Variants in TIMMDC1 observed in about 807,000 individuals in gnomAD.
TIMMDC1 encodes the protein complex I assembly factor TIMMDC1, mitochondrial.
A neutral mutation model predicts 32.6 loss-of-function variants in TIMMDC1; 25 were observed. That is an observed-to-expected ratio of 0.77 (90% CI 0.56 to 1.07). The LOEUF (loss-of-function observed/expected upper bound fraction) is 1.07, where lower values mean the gene tolerates loss of function less well. Ranked by LOEUF, TIMMDC1 falls within the 50% of genes least tolerant of loss-of-function variation. The probability of loss-of-function intolerance (pLI) is 0.00; values close to 1 mark genes in which losing one functional copy is unlikely to be tolerated. For missense variants in TIMMDC1, 329 were observed against 349.2 expected, an observed-to-expected ratio of 0.94 and a Z score of 0.46; for synonymous variants, 130 against 127.6, an observed-to-expected ratio of 1.02 and a Z score of -0.13.
chr3:119,521,835 G>A (rs2082028806), intron 6 of TIMMDC1, among the ~76,000 whole-genome samples: 1 of 152,142 alleles, frequency 6.6e-6, no homozygotes, highest in Non-Finnish European at 1.5e-5. Flanking sequence ...ATGAAATGTG[G>A]TTTGGGGACA....
chr3:119,507,731 T>C (rs1417374483), intron 4 of TIMMDC1, among the ~76,000 whole-genome samples: 2 of 152,192 alleles, frequency 1.3e-5, no homozygotes, highest in African/African-American at 4.8e-5. Flanking sequence ...TTTTTCTTGA[T>C]AGCTGGACAT....
At chr3:119,501,008 T>C (rs2081870756) in intron 2 of TIMMDC1, 148 bp downstream of exon 2, 1 of 737,264 alleles carries the variant, frequency 1.4e-6, no homozygotes, top group Admixed American at 3.3e-5. Context: ...ACAGTGGAAG[T>C]ACTAATGTTA....
chr3:119,512,031 A>G (rs2081956063), intron 4 of TIMMDC1, among the ~76,000 whole-genome samples: 1 of 152,224 alleles, frequency 6.6e-6, no homozygotes, highest in South Asian at 2.1e-4. Context: ...TGGCCCAGAA[A>G]TTTCATTTCT....
chr3:119,509,017 C>A (rs892084569), intron 4 of TIMMDC1, among the ~76,000 whole-genome samples: 5 of 152,044 alleles, frequency 3.3e-5, no homozygotes, highest in African/African-American at 1.2e-4. Flanking sequence ...ACCAGCCTGG[C>A]CAACATGGTG....
intron 4 of TIMMDC1, among the ~76,000 whole-genome samples, chr3:119,504,300 G>T (rs551740985): frequency 6.6e-6 from 1 of 152,328 alleles, no homozygotes; most frequent in Non-Finnish European, 1.5e-5. Context: ...GGAACAATGG[G>T]ATCTCATATG....
In TIMMDC1 at chr3:119,503,791, G is replaced by A. The variant is rs145659738; in HGVS notation, c.450-163G>A. On this transcript the variant is annotated intron_variant, in intron 3 of 6. Coordinates refer to ENST00000494664, the MANE Select transcript of TIMMDC1 (RefSeq NM_016589.4). The stretch of plus-strand genomic sequence containing the variant: ...TGTGTAAAAGACTGGTGTAGTTATG[G>A]TTTTACAACCATGTCTGGAACACAT... Among the ~76,000 whole-genome samples the A allele has an allele frequency of 4.2e-4, 64 of 151,510 alleles. No homozygotes were observed. In the East Asian group the frequency reaches 0.011, roughly 25 times the overall value.
At position 119,498,932 on chromosome 3, in the gene TIMMDC1, A is replaced by C; in HGVS notation, c.194+5A>C. The C allele has an allele frequency of 6.2e-7, 1 of 1,613,814 alleles. No individual in the cohort carries two copies. The highest frequency in any genetic ancestry group is 8.5e-7 in the Non-Finnish European group (1 of 1,179,832). On this transcript the variant is annotated splice_donor_5th_base_variant and intron_variant, in intron 1 of 6. Transcript: ENST00000494664. ...CCGGGAGCTGTTTGGCAAAGAGTAAAAGTGCCTAGGGTGTGAAGTGGGGTA... is the reference window on the plus strand; with the variant it reads ...CCGGGAGCTGTTTGGCAAAGAGTAACAGTGCCTAGGGTGTGAAGTGGGGTA...
intron 4 of TIMMDC1, among the ~76,000 whole-genome samples, chr3:119,507,832 A>G (rs1431295984): frequency 6.6e-6 from 1 of 152,202 alleles, no homozygotes; most frequent in Admixed American, 6.5e-5. Flanking sequence ...TTGCAGTCCT[A>G]TGATTAGGTT....
At chr3:119,510,350 C>G (rs2081945224) in intron 4 of TIMMDC1, among the ~76,000 whole-genome samples, 1 of 152,014 alleles carries the variant, frequency 6.6e-6, no homozygotes, top group Admixed American at 6.6e-5. Context: ...AATGGGGAAA[C>G]AGTTGATAGT....
rs1313549644 is a variant in TIMMDC1, at chr3:119,523,940, CACTTT to C, written c.*189_*193del. ...ACTAAGAATGGGGCTGTTGTACTCTCACTTTACTTATCCTTAAATTTAAATACATA... is the reference window on the plus strand; with the variant it reads ...ACTAAGAATGGGGCTGTTGTACTCTCACTTATCCTTAAATTTAAATACATA... On this transcript the variant is annotated 3_prime_UTR_variant, in exon 7 of 7. Coordinates refer to ENST00000494664, the MANE Select transcript of TIMMDC1 (RefSeq NM_016589.4). 2 of 471,776 alleles carry C rather than the reference CACTTT, an allele frequency of 4.2e-6. No homozygotes were observed. The highest frequency in any genetic ancestry group is 7.3e-6 in the Non-Finnish European group (2 of 272,442). The allele number at this position is 471,776 out of a possible 1,614,324, so 29.2% of individuals were successfully genotyped here. A position where few individuals can be genotyped will look rare whatever the true frequency, so the allele number is the denominator to read the frequency against.
Position 119,498,941 on chromosome 3 carries a change from G to A in TIMMDC1, c.194+14G>A. On this transcript the variant is annotated intron_variant, in intron 1 of 6. Transcript: ENST00000494664. Reference sequence around the variant, plus strand: ...GTTTGGCAAAGAGTAAAAGTGCCTAGGGTGTGAAGTGGGGTAGGGGGCCGC... The same window carrying A: ...GTTTGGCAAAGAGTAAAAGTGCCTAAGGTGTGAAGTGGGGTAGGGGGCCGC... 5 of 1,613,440 alleles carry A rather than the reference G, an allele frequency of 3.1e-6. No homozygotes were observed. The highest frequency in any genetic ancestry group is 4.2e-6 in the Non-Finnish European group (5 of 1,179,480).
intron 6 of TIMMDC1, 136 bp downstream of exon 6, chr3:119,517,451 C>A: frequency 1.7e-6 from 1 of 593,040 alleles, no homozygotes; most frequent in Non-Finnish European, 3.1e-6. Flanking sequence ...TCCTTCAACT[C>A]ATACTGTACA....
At chr3:119,514,792 A>G (rs1380549609) in intron 5 of TIMMDC1, among the ~76,000 whole-genome samples, 2 of 152,204 alleles carry the variant, frequency 1.3e-5, no homozygotes, top group Non-Finnish European at 2.9e-5. Flanking sequence ...TTCCCTGCTC[A>G]AGATTTTACA....
chr3:119,498,754 A>G lies in TIMMDC1; in HGVS notation c.21A>G (p.Ala7=). ...AGGCCATGGAGGTGCCGCCACCGGC[A>G]CCGCGGAGCTTTCTCTGTAGAGCAT... MEVPPP[A]PRSFLCRALC... The change falls in exon 1 of 7, where the codon GCA becomes GCG. Residue 7 remains alanine, a synonymous_variant. Transcript: ENST00000494664. 2 of 1,614,150 alleles carry G rather than the reference A, an allele frequency of 1.2e-6. No homozygotes were observed. The highest frequency in any genetic ancestry group is 1.7e-6 in the Non-Finnish European group (2 of 1,179,986).
At chr3:119,511,510 G>A (rs1265113703) in intron 4 of TIMMDC1, among the ~76,000 whole-genome samples, 1 of 151,714 alleles carries the variant, frequency 6.6e-6, no homozygotes, top group Non-Finnish European at 1.5e-5. Flanking sequence ...AAAAATTTGT[G>A]CGTAAGTAAA....
chr3:119,517,256 T>A lies in TIMMDC1; in HGVS notation c.648T>A (p.Thr216=), dbSNP rs754536579. ...CATTTCAGAAGTACTCTGGTGAGACTGTTCAGGAAAGAAAACAGAAGGATC... is the reference window on the plus strand; with the variant it reads ...CATTTCAGAAGTACTCTGGTGAGACAGTTCAGGAAAGAAAACAGAAGGATC... ...LMAFQKYSGE[T]VQERKQKDRK... The change falls in exon 6 of 7, where the codon ACT becomes ACA. Residue 216 remains threonine, a synonymous_variant. Coordinates refer to ENST00000494664, the MANE Select transcript of TIMMDC1 (RefSeq NM_016589.4). 6.2e-7 allele frequency: 1 copy of A among 1,613,910 alleles called. No homozygotes were observed. Among genetic ancestry groups the A allele is most frequent in the South Asian group, 1.1e-5 (1 of 91,084 alleles).
At position 119,515,823 on chromosome 3, in the gene TIMMDC1, G is replaced by C. The variant is rs555359226; in HGVS notation, c.597-1382G>C. Among the ~76,000 whole-genome samples the C allele has an allele frequency of 2.3e-3, 345 of 152,330 alleles. 2 individuals are homozygous for C. Among genetic ancestry groups the C allele is most frequent in the South Asian group, 7.2e-3 (35 of 4,828 alleles). On this transcript the variant is annotated intron_variant, in intron 5 of 6. Transcript: ENST00000494664. ...TACTAGAAAGGTGGTTGTAAATGTT[G>C]ATAAGCTAGTTCTGTCAGTTCTTCT... is the stretch of plus-strand genomic sequence containing the variant.
chr3:119,506,991 G>C (rs2081922978), intron 4 of TIMMDC1, among the ~76,000 whole-genome samples: 1 of 152,084 alleles, frequency 6.6e-6, no homozygotes, highest in Non-Finnish European at 1.5e-5. Flanking sequence ...GTTCTCCCTA[G>C]CCATTTTCTC....
At chr3:119,513,358 A>G (rs1309662759) in intron 4 of TIMMDC1, among the ~76,000 whole-genome samples, 1 of 152,142 alleles carries the variant, frequency 6.6e-6, no homozygotes, top group African/African-American at 2.4e-5. Context: ...ACATTTTCAG[A>G]TTTTTAAGGA....
Sources: allele counts gnomAD v4.1 joint callset (sites outside exome capture counted in the v4.1 genomes callset), GRCh38; gene constraint gnomAD v4.1.1; transcripts MANE v1.5; gene names NCBI Gene and HGNC (gene_info 2026-07-23, HGNC 2026-07-21).